Variants in SH3RF3 observed in about 807,000 individuals in gnomAD.
The protein encoded by SH3RF3 is E3 ubiquitin-protein ligase SH3RF3.
A neutral mutation model predicts 66.3 loss-of-function variants in SH3RF3; 29 were observed. That is an observed-to-expected ratio of 0.44 (90% CI 0.33 to 0.60). The LOEUF is 0.60. SH3RF3 is among the 20% of genes least tolerant of loss of function. SH3RF3 has a pLI of 0.04. For synonymous variants in SH3RF3, 583 were observed against 532.0 expected, an observed-to-expected ratio of 1.10 and a Z score of -1.32; for missense variants, 1,194 against 1,190.9, an observed-to-expected ratio of 1.00 and a Z score of -0.04.
intron 3 of SH3RF3, among the ~76,000 whole-genome samples, chr2:109,380,656 A>T (rs1417955191): frequency 4.6e-5 from 7 of 152,144 alleles, no homozygotes; most frequent in African/African-American, 1.7e-4. Flanking sequence ...CTCAGTCATC[A>T]CTGGGGCCAC....
rs115188364 is a variant in SH3RF3 at position 109,319,582 on chromosome 2, G to A, written c.574-28092G>A. ...GCTGAAAACAAGCCCAGTGGGGCTCGTTCCAGAACAGAAAGCCCCACACTC... is the reference window on the plus strand; with the variant it reads ...GCTGAAAACAAGCCCAGTGGGGCTCATTCCAGAACAGAAAGCCCCACACTC... On this transcript the variant is annotated intron_variant, in intron 1 of 9. Transcript: ENST00000309415. 4.4e-3 allele frequency among the ~76,000 whole-genome samples: 663 copies of A among 152,352 alleles called. 4 individuals are homozygous for A. The highest frequency in any genetic ancestry group is 5.8e-3 in the Non-Finnish European group (396 of 68,028).
intron 5 of SH3RF3, among the ~76,000 whole-genome samples, chr2:109,421,461 C>T (rs1458375879): frequency 1.3e-5 from 2 of 152,210 alleles, no homozygotes; most frequent in Non-Finnish European, 2.9e-5. Context: ...AGACCCAAAA[C>T]GTAACAGTTC....
intron 7 of SH3RF3, among the ~76,000 whole-genome samples, chr2:109,442,746 A>T (rs919532051): frequency 2.0e-5 from 3 of 152,228 alleles, no homozygotes; most frequent in Admixed American, 1.3e-4. Flanking sequence ...AGGGAATAAA[A>T]AGGAATCATG....
chr2:109,291,257 G>T (rs1681170454), intron 1 of SH3RF3, among the ~76,000 whole-genome samples: 1 of 151,306 alleles, frequency 6.6e-6, no homozygotes, highest in African/African-American at 2.4e-5. Context: ...AGGCTGTTGG[G>T]AGAAAAAGAA....
At chr2:109,359,827 C>T (rs999752715) in intron 2 of SH3RF3, among the ~76,000 whole-genome samples, 2 of 152,162 alleles carry the variant, frequency 1.3e-5, no homozygotes, top group African/African-American at 4.8e-5. Context: ...TTATTTTCCA[C>T]ACATGCCCAG....
At chr2:109,299,727 C>T (rs1681410855) in intron 1 of SH3RF3, among the ~76,000 whole-genome samples, 1 of 152,206 alleles carries the variant, frequency 6.6e-6, no homozygotes, top group Non-Finnish European at 1.5e-5. Context: ...GAAAGAGAAT[C>T]CTCAAGCAAG....
chr2:109,501,719 G>A lies in SH3RF3; in HGVS notation c.*48G>A. On this transcript the variant is annotated 3_prime_UTR_variant, in exon 10 of 10. Coordinates refer to ENST00000309415, the MANE Select transcript of SH3RF3 (RefSeq NM_001099289.3). ...GCTCACAGAGGGGGAGGCCGCCTGG[G>A]AAGCTCCACGGCACACAGAGAGGGA... The A allele has an allele frequency of 2.8e-6, 2 of 712,590 alleles. No individual in the cohort carries two copies. Among genetic ancestry groups the A allele is most frequent in the Non-Finnish European group, 5.2e-6 (2 of 384,080 alleles). The allele number at this position is 712,590 out of a possible 1,614,324, so 44.1% of individuals were successfully genotyped here. A position where few individuals can be genotyped will look rare whatever the true frequency, so the allele number is the denominator to read the frequency against.
intron 1 of SH3RF3, among the ~76,000 whole-genome samples, chr2:109,183,309 TC>T (rs11336890): frequency 0.49 from 74,361 of 152,000 alleles, 19,246 homozygotes; most frequent in South Asian, 0.61. Flanking sequence ...GCTTTCGTGT[TC>T]TTAATAAAGT....
At chr2:109,436,359 A>G (rs1319752586) in intron 6 of SH3RF3, among the ~76,000 whole-genome samples, 2 of 152,158 alleles carry the variant, frequency 1.3e-5, no homozygotes, top group Non-Finnish European at 2.9e-5. Context: ...GAAACTTCGG[A>G]GTGAAAGGGC....
chr2:109,299,468 G>A (rs929338035), intron 1 of SH3RF3, among the ~76,000 whole-genome samples: 1 of 152,034 alleles, frequency 6.6e-6, no homozygotes, highest in Non-Finnish European at 1.5e-5. Flanking sequence ...AGCCACCAGG[G>A]CCTTTTGAAG....
intron 1 of SH3RF3, among the ~76,000 whole-genome samples, chr2:109,172,929 C>G (rs1360947012): frequency 6.6e-6 from 1 of 152,222 alleles, no homozygotes; most frequent in East Asian, 1.9e-4. Context: ...GTGGGTATAA[C>G]TGTTGTGTGA....
chr2:109,269,332 C>G (rs907440486), intron 1 of SH3RF3, among the ~76,000 whole-genome samples: 1 of 152,180 alleles, frequency 6.6e-6, no homozygotes, highest in African/African-American at 2.4e-5. Context: ...CCTTGCCTTC[C>G]CCCCGGGAGA....
chr2:109,431,284 C>T (rs910766219), intron 5 of SH3RF3, among the ~76,000 whole-genome samples: 3 of 152,220 alleles, frequency 2.0e-5, no homozygotes, highest in Admixed American at 6.5e-5. Context: ...CACCAGATCA[C>T]TCTTCATTAA....
At chr2:109,463,504 ATC>A (rs1213126454) in intron 8 of SH3RF3, among the ~76,000 whole-genome samples, 1 of 152,204 alleles carries the variant, frequency 6.6e-6, no homozygotes, top group African/African-American at 2.4e-5. Context: ...CCCCTCACAC[ATC>A]TGTTTCTCAT....
At chr2:109,351,235 G>T (rs1682831400) in intron 2 of SH3RF3, among the ~76,000 whole-genome samples, 1 of 152,198 alleles carries the variant, frequency 6.6e-6, no homozygotes, top group South Asian at 2.1e-4. Flanking sequence ...TGCTGGGCCA[G>T]TCACCCGGGA....
chr2:109,213,706 G>A (rs575066544), intron 1 of SH3RF3, among the ~76,000 whole-genome samples: 2 of 152,350 alleles, frequency 1.3e-5, no homozygotes, highest in East Asian at 3.9e-4. Context: ...ACGTGTCAGA[G>A]CCTGGCCTTT....
chr2:109,359,613 T>C (rs1425382788), intron 2 of SH3RF3, among the ~76,000 whole-genome samples: 1 of 152,162 alleles, frequency 6.6e-6, no homozygotes, highest in Non-Finnish European at 1.5e-5. Context: ...CTGGTACAGG[T>C]TGAGCATCAC....
chr2:109,466,421 G>T (rs930133659), intron 8 of SH3RF3, among the ~76,000 whole-genome samples: 2 of 152,106 alleles, frequency 1.3e-5, no homozygotes, highest in African/African-American at 2.4e-5. Flanking sequence ...GATCTTTGCT[G>T]AGTTTTTAAT....
In SH3RF3 at chr2:109,490,949, G is replaced by A; in HGVS notation, c.2480+13G>A. The A allele has an allele frequency of 6.8e-7, 1 of 1,468,082 alleles. No homozygotes were observed. The highest frequency in any genetic ancestry group is 9.0e-7 in the Non-Finnish European group (1 of 1,108,274). 90.9% of individuals were successfully genotyped at this position (1,468,082 alleles called of 1,614,324 possible). ...TGCCCAGAGAGAGGTAAGTGCAGGGGCTTGTCTGCTCTGTGGCATGCTGTG... is the reference window on the plus strand; with the variant it reads ...TGCCCAGAGAGAGGTAAGTGCAGGGACTTGTCTGCTCTGTGGCATGCTGTG... On this transcript the variant is annotated intron_variant, in intron 9 of 9. Coordinates refer to ENST00000309415, the MANE Select transcript of SH3RF3 (RefSeq NM_001099289.3).
Sources: allele counts gnomAD v4.1 joint callset (sites outside exome capture counted in the v4.1 genomes callset), GRCh38; gene constraint gnomAD v4.1.1; transcripts MANE v1.5; gene names NCBI Gene and HGNC (gene_info 2026-07-23, HGNC 2026-07-21).